Variants in MCAM observed in about 807,000 individuals in gnomAD.
MCAM encodes melanoma cell adhesion molecule, also known as cell surface glycoprotein MUC18.
MCAM carries 55 observed loss-of-function variants against 79.1 expected under a neutral mutation model. The ratio of observed to expected loss-of-function variants is 0.70; its 90% CI spans 0.56 to 0.87. The LOEUF is 0.87. MCAM is among the 40% of genes least tolerant of loss of function. The probability of loss-of-function intolerance (pLI) is 0.00; values close to 1 mark genes in which losing one functional copy is unlikely to be tolerated. For missense variants in MCAM, 745 were observed against 839.8 expected, an observed-to-expected ratio of 0.89 and a Z score of 1.40; for synonymous variants, 330 against 339.8, an observed-to-expected ratio of 0.97 and a Z score of 0.32.
chr11:119,310,764 C>G lies in MCAM; in HGVS notation c.1785G>C (p.Lys595Asn). Reference sequence around the variant, plus strand: ...GCCGGTGTTGGGCTTACATCTCCTGCTTCCCTGAGCGCCTGCACGGCAGCT... The same window carrying G: ...GCCGGTGTTGGGCTTACATCTCCTGGTTCCCTGAGCGCCTGCACGGCAGCT... ...KGKLPCRRSG[K>N]QEITLPPSRK... The change falls in exon 14 of 16, where the codon AAG (lysine) becomes AAC (asparagine). Residue 595 changes from lysine (K) to asparagine (N), a missense_variant. By Grantham distance (94) the Lys-to-Asn change is moderately conservative (BLOSUM62 0). Transcript: ENST00000264036. The G allele has an allele frequency of 6.2e-7, 1 of 1,613,970 alleles. No homozygotes were observed. The highest frequency in any genetic ancestry group is 8.5e-7 in the Non-Finnish European group (1 of 1,180,000).
Position 119,311,136 on chromosome 11 carries a change from G to A in MCAM, c.1599C>T (p.Ser533=). The A allele has an allele frequency of 6.2e-7, 1 of 1,614,246 alleles. No individual in the cohort carries two copies. Among genetic ancestry groups the A allele is most frequent in the African/African-American group, 1.3e-5 (1 of 75,070 alleles). Residue 533 remains serine (S), a synonymous_variant, in exon 13 of 16, where the codon AGC becomes AGT. Coordinates refer to ENST00000264036, the MANE Select transcript of MCAM (RefSeq NM_006500.3). This position sits in a 1 kb window ranked among gnomAD's most constrained non-coding sequence, Gnocchi z 4.4. ...TPDSNTTTGL[S]TSTASPHTRA... ...TGGTATGAGGACTGGCAGTGGAAGT[G>A]CTGAGGCCAGTGGTTGTGTTGGAGT...
chr11:119,308,541 T>C lies in MCAM; in HGVS notation c.*1345A>G, dbSNP rs1422610516. 1 of 151,274 alleles carries C rather than the reference T, an allele frequency of 6.6e-6. No individual in the cohort carries two copies. Among genetic ancestry groups the C allele is most frequent in the Non-Finnish European group, 1.5e-5 (1 of 67,862 alleles). The allele number at this position is 151,274 out of a possible 1,614,324, so 9.4% of individuals were successfully genotyped here. A position where few individuals can be genotyped will look rare whatever the true frequency, so the allele number is the denominator to read the frequency against. On this transcript the variant is annotated 3_prime_UTR_variant, in exon 16 of 16. Transcript: ENST00000264036. ...AAGCAATGTATGATTTCTGGGACAA[T>C]TAAGCTTTATTTTTCATATATATAT...
At position 119,312,993 on chromosome 11, in the gene MCAM, C is replaced by T. The variant is rs762445697; in HGVS notation, c.560-44G>A. The stretch of plus-strand genomic sequence containing the variant: ...GAGGAAGACTCAGCCTCAGCCCCAC[C>T]TCCAGCCCCACCCTAGGGTTGTCCA... On this transcript the variant is annotated intron_variant, in intron 5 of 15. Transcript: ENST00000264036. The surrounding 1 kb of genome is among the most constrained non-coding windows in gnomAD (Gnocchi z 4.9). 6.2e-7 allele frequency: 1 copy of T among 1,612,464 alleles called. No individual in the cohort carries two copies. The highest frequency in any genetic ancestry group is 8.5e-7 in the Non-Finnish European group (1 of 1,179,840).
rs755849006 is a variant in MCAM, at chr11:119,312,210, G to A, written c.1025-40C>T. ...ATCATGTCACCCAGGGCAGGGTGGG[G>A]CCAGTTCCCTATTGCCCCAGCCTGG... On this transcript the variant is annotated intron_variant, in intron 8 of 15. Transcript: ENST00000264036. This position sits in a 1 kb window ranked among gnomAD's most constrained non-coding sequence, Gnocchi z 4.9. The A allele has an allele frequency of 1.2e-6, 2 of 1,611,220 alleles. No individual in the cohort carries two copies. The highest frequency in any genetic ancestry group is 1.7e-6 in the Non-Finnish European group (2 of 1,178,084).
At chr11:119,313,947 T>C in intron 5 of MCAM, 1 of 954,416 alleles carries the variant, frequency 1.0e-6, no homozygotes, top group Non-Finnish European at 1.2e-6. Context: ...GAAATATTTC[T>C]ATATATGAGC....
chr11:119,311,334 A>G lies in MCAM; in HGVS notation c.1495T>C (p.Cys499Arg), dbSNP rs768852696. The G allele has an allele frequency of 1.2e-6, 2 of 1,614,160 alleles. No homozygotes were observed. Among genetic ancestry groups the G allele is most frequent in the South Asian group, 2.2e-5 (2 of 91,078 alleles). Residue 499 changes from cysteine (C) to arginine (R), a missense_variant, in exon 12 of 16, where the codon TGC becomes CGC. Cys to Arg is a radical substitution (Grantham distance 180, BLOSUM62 -3). Transcript: ENST00000264036. The surrounding 1 kb of genome is among the most constrained non-coding windows in gnomAD (Gnocchi z 4.4). ...TPELLETGVECTASNDLGKNT... is the reference protein window; with the variant it reads ...TPELLETGVERTASNDLGKNT... Reference sequence around the variant, plus strand: ...TTGCCCAGGTCGTTGGAGGCCGTGCATTCAACACCTGTCTCCAACAGCTCC... The same window carrying G: ...TTGCCCAGGTCGTTGGAGGCCGTGCGTTCAACACCTGTCTCCAACAGCTCC...
chr11:119,316,731 G>T lies in MCAM; in HGVS notation c.67+304C>A, dbSNP rs1950314778. On this transcript the variant is annotated intron_variant, in intron 1 of 15. Transcript: ENST00000264036. The surrounding 1 kb of genome is among the most constrained non-coding windows in gnomAD (Gnocchi z 4.8). ...CTTCAATTGCGGGCCCCCAGAGTGA[G>T]CACCTCAGGGACCACCCACCCCCCA... The T allele has an allele frequency of 5.7e-6, 2 of 348,002 alleles. No individual in the cohort carries two copies. Among genetic ancestry groups the T allele is most frequent in the Non-Finnish European group, 1.1e-5 (2 of 189,874 alleles). The allele number at this position is 348,002 out of a possible 1,614,324, so 21.6% of individuals were successfully genotyped here. A position where few individuals can be genotyped will look rare whatever the true frequency, so the allele number is the denominator to read the frequency against.
rs1264435745 is a variant in MCAM at position 119,309,636 on chromosome 11, T to G, written c.*250A>C. The G allele has an allele frequency of 7.3e-6, 4 of 551,074 alleles. No individual in the cohort carries two copies. Among genetic ancestry groups the G allele is most frequent in the Admixed American group, 3.3e-5 (1 of 30,096 alleles). 34.1% of individuals were successfully genotyped at this position (551,074 alleles called of 1,614,324 possible). A position where few individuals can be genotyped will look rare whatever the true frequency, so the allele number is the denominator to read the frequency against. On this transcript the variant is annotated 3_prime_UTR_variant, in exon 16 of 16. Transcript: ENST00000264036. ...AAACTCTCCTACCCGCTCGGGAGAC[T>G]GGGGCTCCTTGCTTGGGATGAGCTT...
chr11:119,312,409 G>A lies in MCAM; in HGVS notation c.881C>T (p.Ala294Val), dbSNP rs764875151. The A allele has an allele frequency of 6.2e-7, 1 of 1,613,994 alleles. No individual in the cohort carries two copies. The highest frequency in any genetic ancestry group is 2.2e-5 in the East Asian group (1 of 44,868). ...ISKQNPSTRE[A>V]EEETTNDNGV... ...GTTGTCGTTGGTTGTCTCTTCCTCT[G>A]CCTCCCTGGTGCTGGGGTTCTAGGG... is the stretch of plus-strand genomic sequence containing the variant. The change falls in exon 8 of 16, where the codon GCA becomes GTA. Residue 294 changes from alanine to valine, a missense_variant. Coordinates refer to ENST00000264036, the MANE Select transcript of MCAM (RefSeq NM_006500.3). The surrounding 1 kb of genome is among the most constrained non-coding windows in gnomAD (Gnocchi z 4.9).
In MCAM at chr11:119,310,950, C is replaced by T. The variant is rs775938630; in HGVS notation, c.1646-47G>A. 7 of 1,613,740 alleles carry T rather than the reference C, an allele frequency of 4.3e-6. No individual in the cohort carries two copies. In the African/African-American group the frequency reaches 5.3e-5, roughly 12 times the overall value. ...CGTCACTCCCTGCCCCAGGCCACTT[C>T]GTCACCATCGTTGGCCCAGCCAGTC... On this transcript the variant is annotated intron_variant, in intron 13 of 15. Transcript: ENST00000264036.
At chr11:119,310,597 G>A (rs1399015987) in intron 14 of MCAM, 131 bp from the exon 15 acceptor site, 6 of 1,068,500 alleles carry the variant, frequency 5.6e-6, no homozygotes, top group South Asian at 5.6e-5. Context: ...AGCAGGTCAT[G>A]AGACCATGTG....
chr11:119,316,839 C>T lies in MCAM; in HGVS notation c.67+196G>A. On this transcript the variant is annotated intron_variant, in intron 1 of 15. Transcript: ENST00000264036. This position sits in a 1 kb window ranked among gnomAD's most constrained non-coding sequence, Gnocchi z 4.8. ...CCTTCCGAGTGCTGCTCCCGGGATA[C>T]TCTAGAATCCCGGCTGCAAACTGGC... 3.7e-6 allele frequency: 2 copies of T among 540,670 alleles called. No homozygotes were observed. The highest frequency in any genetic ancestry group is 3.3e-6 in the Non-Finnish European group (1 of 306,776). The allele number at this position is 540,670 out of a possible 1,614,324, so 33.5% of individuals were successfully genotyped here.
intron 14 of MCAM, 39 bp downstream of exon 14, chr11:119,310,717 C>T (rs779718788): frequency 1.3e-4 from 206 of 1,598,034 alleles, no homozygotes; most frequent in Non-Finnish European, 1.7e-4. Flanking sequence ...GGCTGGGTGG[C>T]AAAACGGGCG....
At position 119,315,675 on chromosome 11, in the gene MCAM, G is replaced by A; in HGVS notation, c.68-412C>T. The stretch of plus-strand genomic sequence containing the variant: ...CCCTTTTGTGTCACCACCGCCAGGG[G>A]AAGACACCACTGCTCTATCCTCTGC... On this transcript the variant is annotated intron_variant, in intron 1 of 15. Coordinates refer to ENST00000264036, the MANE Select transcript of MCAM (RefSeq NM_006500.3). This position sits in a 1 kb window ranked among gnomAD's most constrained non-coding sequence, Gnocchi z 4.4. 4.4e-6 allele frequency: 1 copy of A among 226,896 alleles called. No homozygotes were observed. Among genetic ancestry groups the A allele is most frequent in the Non-Finnish European group, 9.0e-6 (1 of 110,764 alleles). 14.1% of individuals were successfully genotyped at this position (226,896 alleles called of 1,614,324 possible).
At position 119,314,826 on chromosome 11, in the gene MCAM, C is replaced by T; in HGVS notation, c.400+7G>A. 1 of 1,613,706 alleles carries T rather than the reference C, an allele frequency of 6.2e-7. No homozygotes were observed. The highest frequency in any genetic ancestry group is 8.5e-7 in the Non-Finnish European group (1 of 1,179,962). Reference sequence around the variant, plus strand: ...ACTACCCTGCTGGCAGACACAGGGTCACGCACTGTAGACGCGGAGCTGGAT... The same window carrying T: ...ACTACCCTGCTGGCAGACACAGGGTTACGCACTGTAGACGCGGAGCTGGAT... On this transcript the variant is annotated splice_region_variant and intron_variant, in intron 3 of 15. Transcript: ENST00000264036.
At chr11:119,313,376 GT>G in intron 5 of MCAM, 1 of 1,212,784 alleles carries the variant, frequency 8.2e-7, no homozygotes. Flanking sequence ...TTAGACCAGG[GT>G]TTCTCAGCAC....
rs1950178901 is a variant in MCAM at position 119,308,781 on chromosome 11, G to A, written c.*1105C>T. 6.6e-6 allele frequency: 1 copy of A among 152,006 alleles called. No homozygotes were observed. The highest frequency in any genetic ancestry group is 1.5e-5 in the Non-Finnish European group (1 of 67,990). The allele number at this position is 152,006 out of a possible 1,614,324, so 9.4% of individuals were successfully genotyped here. On this transcript the variant is annotated 3_prime_UTR_variant, in exon 16 of 16. Transcript: ENST00000264036. ...CCCTGAGCTTGGTTTGTAGAAGTTT[G>A]GTGCTAATATAACCATAGCTTTAAT...
intron 5 of MCAM, chr11:119,314,240 T>G: frequency 2.0e-6 from 1 of 503,484 alleles, no homozygotes; most frequent in South Asian, 2.1e-5. Flanking sequence ...ACTGCAGCCT[T>G]CATTTCCTGG....
chr11:119,316,962 G>A lies in MCAM; in HGVS notation c.67+73C>T. 1.5e-6 allele frequency: 2 copies of A among 1,337,178 alleles called. No individual in the cohort carries two copies. The highest frequency in any genetic ancestry group is 2.8e-5 in the East Asian group (1 of 35,134). The allele number at this position is 1,337,178 out of a possible 1,614,324, so 82.8% of individuals were successfully genotyped here. A position where few individuals can be genotyped will look rare whatever the true frequency, so the allele number is the denominator to read the frequency against. On this transcript the variant is annotated intron_variant, in intron 1 of 15. Coordinates refer to ENST00000264036, the MANE Select transcript of MCAM (RefSeq NM_006500.3). This position sits in a 1 kb window ranked among gnomAD's most constrained non-coding sequence, Gnocchi z 4.8. ...CGCAACGCCCCGACCCCGCCGCGCC[G>A]CTGGCTCTGCTCCCTGGCACGCTCC...
Sources: gnomAD v4.1 joint callset for allele counts on GRCh38, gnomAD v4.1.1 for gene constraint, Gnocchi (gnomAD v3.1) non-coding constraint, MANE v1.5 for transcripts, NCBI Gene and HGNC (gene_info 2026-07-23, HGNC 2026-07-21) for gene names.